The following ADGRL1 variants were observed in gnomAD, a reference collection of about 807,000 sequenced individuals.
ADGRL1 encodes the protein CIRL-1.
Under a neutral mutation model 148.9 loss-of-function variants are expected in ADGRL1, and 31 were observed. The observed-to-expected ratio is 0.21, with a 90% CI of 0.16 to 0.28. The LOEUF (loss-of-function observed/expected upper bound fraction) is 0.28. ADGRL1 is among the 10% of genes least tolerant of loss of function. The pLI is 1.00. For synonymous variants in ADGRL1, 937 were observed against 900.3 expected, an observed-to-expected ratio of 1.04 and a Z score of -0.73; for missense variants, 1,521 against 2,058.8, an observed-to-expected ratio of 0.74 and a Z score of 5.05.
intron 1 of ADGRL1, chr19:14,191,506 A>C: frequency 2.2e-6 from 1 of 455,932 alleles, no homozygotes. Flanking sequence ...CTGCCATAAC[A>C]AAGTGCCATA....
chr19:14,183,140 G>A (rs769219662), intron 2 of ADGRL1, among the ~76,000 whole-genome samples: 2 of 151,872 alleles, frequency 1.3e-5, no homozygotes, highest in African/African-American at 2.4e-5. Context: ...AAACGTCAGC[G>A]GGCATGCTTT....
At chr19:14,186,068 A>AT (rs924999565) in intron 1 of ADGRL1, among the ~76,000 whole-genome samples, 1 of 151,474 alleles carries the variant, frequency 6.6e-6, no homozygotes, top group Admixed American at 6.6e-5. Context: ...ATTTACTTTT[A>AT]TTTTTTTAGA....
Position 14,161,799 on chromosome 19 carries a change from A to G in ADGRL1, c.1196-173T>C, listed in dbSNP as rs1023018211. 1.3e-5 allele frequency among the ~76,000 whole-genome samples: 2 copies of G among 152,138 alleles called. No homozygotes were observed. Among genetic ancestry groups the G allele is most frequent in the Non-Finnish European group, 2.9e-5 (2 of 68,012 alleles). On this transcript the variant is annotated intron_variant, in intron 5 of 22. Transcript: ENST00000361434. The surrounding 1 kb of genome is among the most constrained non-coding windows in gnomAD (Gnocchi z 4.4). Reference sequence around the variant, plus strand: ...CTCCCCTGGCCGCTCTGTGCCCACCAAAGTCCCTTATGCCCATGGGCCCAT... The same window carrying G: ...CTCCCCTGGCCGCTCTGTGCCCACCGAAGTCCCTTATGCCCATGGGCCCAT...
chr19:14,164,455 G>A (rs961520883), intron 4 of ADGRL1, among the ~76,000 whole-genome samples: 4 of 152,216 alleles, frequency 2.6e-5, no homozygotes, highest in African/African-American at 9.6e-5. Context: ...GGAGAGAGGG[G>A]TGAGCAGAGA....
rs1968358371 is a variant in ADGRL1 at position 14,152,895 on chromosome 19, G to C, written c.3312C>G (p.Ser1104Arg). ...AGCAGTAGGAGTGACGCAGGCACTT[G>C]CTGTACTCCTTGTGCACCTGGGAGG... ...ALQKKVHKEY[S>R]KCLRHSYCCI... The change falls in exon 19 of 23, where the codon AGC (serine) becomes AGG (arginine). Residue 1104 changes from serine to arginine, a missense_variant. Coordinates refer to ENST00000361434, the MANE Select transcript of ADGRL1 (RefSeq NM_014921.5). The surrounding 1 kb of genome is among the most constrained non-coding windows in gnomAD (Gnocchi z 6.1). 1.2e-6 allele frequency: 2 copies of C among 1,614,066 alleles called. No homozygotes were observed. Among genetic ancestry groups the C allele is most frequent in the Non-Finnish European group, 1.7e-6 (2 of 1,180,000 alleles).
intron 1 of ADGRL1, among the ~76,000 whole-genome samples, chr19:14,199,085 C>T (rs1238007985): frequency 6.6e-6 from 1 of 152,332 alleles, no homozygotes; most frequent in African/African-American, 2.4e-5. Context: ...GGCATGGTGC[C>T]TAGCAGGGCA....
In ADGRL1 at chr19:14,158,045, T is replaced by C. The variant is rs757599356; in HGVS notation, c.2372A>G (p.Asn791Ser). The change falls in exon 13 of 23, where the codon AAC (asparagine) becomes AGC (serine). Residue 791 changes from asparagine (N) to serine (S), a missense_variant. Asn to Ser is a conservative substitution (Grantham distance 46). Transcript: ENST00000361434. ...IFTVAHLEDK[N>S]HFNANCSFWN... is the part of the protein sequence containing the mutation. ...GAAGGAGCAGTTAGCATTGAAGTGG[T>C]TCTTGTCCTGTTGTGTGGTGGCACC... The C allele has an allele frequency of 6.2e-7, 1 of 1,614,006 alleles. No individual in the cohort carries two copies. Among genetic ancestry groups the C allele is most frequent in the African/African-American group, 1.3e-5 (1 of 74,916 alleles).
At position 14,159,146 on chromosome 19, in the gene ADGRL1, G is replaced by C. The variant is rs747155466; in HGVS notation, c.2093C>G (p.Pro698Arg). 1 of 1,613,976 alleles carries C rather than the reference G, an allele frequency of 6.2e-7. No individual in the cohort carries two copies. Among genetic ancestry groups the C allele is most frequent in the Non-Finnish European group, 8.5e-7 (1 of 1,180,012 alleles). ...QELVFPQEEY[P>R]RKNSIQLSAK... is the part of the protein sequence containing the mutation. ...AGACAGCTGGATGGAGTTCTTTCTC[G>C]GGTACTCCTCCTGGGGGAACACCAG... Residue 698 changes from proline to arginine, a missense_variant, in exon 11 of 23, where the codon CCG becomes CGG. This residue lies in a region of ADGRL1 where 265 missense variants were observed against 431.9 expected (regional missense o/e 0.61). Transcript: ENST00000361434. The surrounding 1 kb of genome is among the most constrained non-coding windows in gnomAD (Gnocchi z 6.0).
At chr19:14,204,208 CCTT>C (rs1488972843) in intron 1 of ADGRL1, among the ~76,000 whole-genome samples, 2 of 152,132 alleles carry the variant, frequency 1.3e-5, no homozygotes, top group East Asian at 1.9e-4. Flanking sequence ...AGGTTGTAAT[CCTT>C]CTCTTATTCT....
Position 14,161,736 on chromosome 19 carries a change from G to T in ADGRL1, c.1196-110C>A. On this transcript the variant is annotated intron_variant, in intron 5 of 22. Transcript: ENST00000361434. This position sits in a 1 kb window ranked among gnomAD's most constrained non-coding sequence, Gnocchi z 4.4. ...AGCATCTTCCTCATCTACTGAAGTG[G>T]AAACACGTGCCGGGCCCCACTGGGT... 1 of 786,894 alleles carries T rather than the reference G, an allele frequency of 1.3e-6. No individual in the cohort carries two copies. Among genetic ancestry groups the T allele is most frequent in the Non-Finnish European group, 1.8e-6 (1 of 560,908 alleles). The allele number at this position is 786,894 out of a possible 1,614,324, so 48.7% of individuals were successfully genotyped here.
chr19:14,168,434 G>A (rs11882921), intron 4 of ADGRL1, among the ~76,000 whole-genome samples: 4 of 152,210 alleles, frequency 2.6e-5, no homozygotes, highest in South Asian at 2.1e-4. Flanking sequence ...ACATGTCTGC[G>A]CGTGTGTGTG....
chr19:14,196,202 GT>G (rs1359203162), intron 1 of ADGRL1, among the ~76,000 whole-genome samples: 22 of 152,216 alleles, frequency 1.4e-4, no homozygotes, highest in Non-Finnish European at 3.1e-4. Context: ...TCTACAGTAT[GT>G]TTCCCCCAGG....
chr19:14,193,289 A>C (rs1248260987), intron 1 of ADGRL1, among the ~76,000 whole-genome samples: 2 of 151,104 alleles, frequency 1.3e-5, no homozygotes, highest in African/African-American at 2.4e-5. Flanking sequence ...AAAAAAAAAA[A>C]AAAACTCAGG....
intron 1 of ADGRL1, among the ~76,000 whole-genome samples, chr19:14,187,103 C>T (rs985501200): frequency 5.3e-5 from 8 of 152,240 alleles, no homozygotes; most frequent in Non-Finnish European, 7.4e-5. Flanking sequence ...TTTGGGAAGC[C>T]GAGGCGGGTG....
At position 14,155,482 on chromosome 19, in the gene ADGRL1, G is replaced by A. The variant is rs748435556; in HGVS notation, c.3171C>T (p.Leu1057=). 6.2e-7 allele frequency: 1 copy of A among 1,614,044 alleles called. No homozygotes were observed. The highest frequency in any genetic ancestry group is 8.5e-7 in the Non-Finnish European group (1 of 1,179,982). ...TGAAGAGGAGGCCGAAAGCCCAGGTGAGGCCCAGCAGGAACAGCAGCGCGA... is the reference window on the plus strand; with the variant it reads ...TGAAGAGGAGGCCGAAAGCCCAGGTAAGGCCCAGCAGGAACAGCAGCGCGA... The part of the protein sequence containing the change: ...GAIALLFLLG[L]TWAFGLLFIN... The change falls in exon 18 of 23, where the codon CTC becomes CTT. Residue 1057 remains leucine (L), a synonymous_variant. Transcript: ENST00000361434. The surrounding 1 kb of genome is among the most constrained non-coding windows in gnomAD (Gnocchi z 5.0).
chr19:14,170,637 C>T, intron 4 of ADGRL1, 45 bp downstream of exon 4: 1 of 1,184,522 alleles, frequency 8.4e-7, no homozygotes, highest in Non-Finnish European at 1.2e-6. Flanking sequence ...CTCACTCACT[C>T]ATGCGAGAAG....
chr19:14,164,363 G>A lies in ADGRL1; in HGVS notation c.395-957C>T, dbSNP rs562924041. ...CTGTGCAGAGGGAAGAGAGACAAGG[G>A]CGTATGGGGCTTGGCGAGGTCCTGG... is the stretch of plus-strand genomic sequence containing the variant. On this transcript the variant is annotated intron_variant, in intron 4 of 22. Coordinates refer to ENST00000361434, the MANE Select transcript of ADGRL1 (RefSeq NM_014921.5). Among the ~76,000 whole-genome samples the A allele has an allele frequency of 5.9e-5, 9 of 152,262 alleles. No individual in the cohort carries two copies. In the East Asian group the frequency reaches 1.5e-3, roughly 26 times the overall value.
intron 2 of ADGRL1, among the ~76,000 whole-genome samples, chr19:14,180,584 C>T (rs1221951045): frequency 6.6e-6 from 1 of 151,898 alleles, no homozygotes; most frequent in East Asian, 1.9e-4. Flanking sequence ...GGGTCTCACC[C>T]TGTCACCAAG....
Position 14,159,853 on chromosome 19 carries a change from C to T in ADGRL1, c.1801-80G>A. ...CCCTAATACTGTCACATCTGGATAG[C>T]TCTCTCGTCTGCGGTTACCACTGAC... On this transcript the variant is annotated intron_variant, in intron 8 of 22. Coordinates refer to ENST00000361434, the MANE Select transcript of ADGRL1 (RefSeq NM_014921.5). This position sits in a 1 kb window ranked among gnomAD's most constrained non-coding sequence, Gnocchi z 6.0. The T allele has an allele frequency of 7.8e-7, 1 of 1,284,840 alleles. No individual in the cohort carries two copies. Among genetic ancestry groups the T allele is most frequent in the African/African-American group, 1.5e-5 (1 of 68,740 alleles). The allele number at this position is 1,284,840 out of a possible 1,614,324, so 79.6% of individuals were successfully genotyped here. A position where few individuals can be genotyped will look rare whatever the true frequency, so the allele number is the denominator to read the frequency against.
Sources: allele counts gnomAD v4.1 joint callset (sites outside exome capture counted in the v4.1 genomes callset), GRCh38; gene constraint gnomAD v4.1.1; regional missense constraint gnomAD v4.1.1; non-coding constraint Gnocchi (gnomAD v3.1); transcripts MANE v1.5; gene names NCBI Gene and HGNC (gene_info 2026-07-23, HGNC 2026-07-21).